The following MBTPS1 variants were observed in gnomAD, a reference collection of about 807,000 sequenced individuals.
MBTPS1 encodes the protein membrane bound transcription factor peptidase, site 1.
Under a neutral mutation model 127.8 loss-of-function variants are expected in MBTPS1, and 94 were observed. The observed-to-expected ratio is 0.74, with a 90% CI of 0.62 to 0.87. MBTPS1 has a LOEUF of 0.87. MBTPS1 is among the 40% of genes least tolerant of loss of function. The pLI, the probability that MBTPS1 is intolerant of heterozygous loss-of-function variation, is 0.00. For missense variants in MBTPS1, 1,636 were observed against 1,353.2 expected (o/e 1.21, Z -3.28); for synonymous variants, 632 against 509.4 (o/e 1.24, Z -3.24).
rs2086140140 is a variant in MBTPS1, at chr16:84,093,609, C to G, written c.736+102G>C. 4 of 869,608 alleles carry G rather than the reference C, an allele frequency of 4.6e-6. No individual in the cohort carries two copies. The South Asian group carries it at 5.9e-5, about 13-fold the overall frequency. The allele number at this position is 869,608 out of a possible 1,614,324, so 53.9% of individuals were successfully genotyped here. A position where few individuals can be genotyped will look rare whatever the true frequency, so the allele number is the denominator to read the frequency against. On this transcript the variant is annotated intron_variant, in intron 5 of 22. Transcript: ENST00000343411. The stretch of plus-strand genomic sequence containing the variant: ...GCCACAACAAAAAGCACAATAACAC[C>G]TTGGGCTTGTCTGAATAATTGCTGG...
rs184931422 is a variant in MBTPS1 at position 84,096,791 on chromosome 16, C to A, written c.422-986G>T. On this transcript the variant is annotated intron_variant, in intron 3 of 22. Transcript: ENST00000343411. ...ACGGTTCTTAATTGAAATTCCTCTG[C>A]TGAGTCTGATCTTTAAGTCAACAGC... is the stretch of plus-strand genomic sequence containing the variant. Among the ~76,000 whole-genome samples, 298 of 152,290 alleles carry A rather than the reference C, an allele frequency of 2.0e-3. 2 individuals are homozygous for A. The highest frequency in any genetic ancestry group is 3.6e-3 in the Non-Finnish European group (242 of 68,026).
Position 84,054,634 on chromosome 16 carries a change from C to G in MBTPS1, c.2974G>C (p.Gly992Arg). 1.2e-6 allele frequency: 2 copies of G among 1,601,410 alleles called. No homozygotes were observed. Among genetic ancestry groups the G allele is most frequent in the Non-Finnish European group, 1.7e-6 (2 of 1,172,802 alleles). Residue 992 changes from glycine (G) to arginine (R), a missense_variant, in exon 23 of 23, where the codon GGC becomes CGC. By Grantham distance (125) the Gly-to-Arg change is moderately radical (BLOSUM62 -2). Transcript: ENST00000343411. ...AWDIPGGIMP[G>R]RYNQEVGQTI... ...TGGCCCACCTCCTGGTTGTAGCGGC[C>G]AGGCATGATCCCTGTAAGAGGACAG...
At chr16:84,102,372 G>A (rs775716670) in intron 1 of MBTPS1, among the ~76,000 whole-genome samples, 1 of 152,022 alleles carries the variant, frequency 6.6e-6, no homozygotes, top group African/African-American at 2.4e-5. Context: ...CTGGTTTTAA[G>A]ACAAATTAAT....
At position 84,070,635 on chromosome 16, in the gene MBTPS1, C is replaced by A. The variant is rs201535353; in HGVS notation, c.1735G>T (p.Ala579Ser). 3 of 1,613,500 alleles carry A rather than the reference C, an allele frequency of 1.9e-6. No homozygotes were observed. The East Asian group carries it at 6.7e-5, about 36-fold the overall frequency. Residue 579 changes from alanine (A) to serine (S), a missense_variant, in exon 13 of 23, where the codon GCT (alanine) becomes TCT (serine). Physicochemically the swap from Ala to Ser is moderately conservative, Grantham distance 99. Transcript: ENST00000343411. Reference protein sequence around the residue: ...TKKAASWEGIAQGHVMITVAS... With the variant: ...TKKAASWEGISQGHVMITVAS... ...ACAGTGATCATGACATGGCCCTGAG[C>A]AATGCCTTCCCAGGAAGCCGCTTTC...
intron 1 of MBTPS1, among the ~76,000 whole-genome samples, chr16:84,108,506 C>G (rs1200565765): frequency 6.6e-6 from 1 of 152,144 alleles, no homozygotes; most frequent in Non-Finnish European, 1.5e-5. Flanking sequence ...TCAGGTGATC[C>G]AGCACCTGCC....
At chr16:84,089,748 T>C (rs1264911726) in intron 8 of MBTPS1, among the ~76,000 whole-genome samples, 1 of 152,186 alleles carries the variant, frequency 6.6e-6, no homozygotes, top group Non-Finnish European at 1.5e-5. Context: ...CCCATGTCCA[T>C]GCTGGAAGAG....
Position 84,059,361 on chromosome 16 carries a change from T to C in MBTPS1, c.2772A>G (p.Leu924=), listed in dbSNP as rs1004169338. ...AHLGDPKPRP[L]PACPRLSWAK... ...CCCAAGACAAGCGTGGACAGGCTGG[T>C]AGAGGCCGAGGTTTTGGGTCTCCCA... is the stretch of plus-strand genomic sequence containing the variant. Residue 924 remains leucine (L), a synonymous_variant, in exon 21 of 23, where the codon CTA becomes CTG. Transcript: ENST00000343411. 1.2e-6 allele frequency: 2 copies of C among 1,614,048 alleles called. No individual in the cohort carries two copies. Among genetic ancestry groups the C allele is most frequent in the Non-Finnish European group, 1.7e-6 (2 of 1,179,992 alleles).
intron 10 of MBTPS1, 47 bp downstream of exon 10, chr16:84,084,936 T>C: frequency 3.8e-6 from 6 of 1,594,032 alleles, no homozygotes; most frequent in South Asian, 1.1e-5. Context: ...CACCGAGTGC[T>C]CCTGTCCTGA....
intron 11 of MBTPS1, among the ~76,000 whole-genome samples, chr16:84,077,234 G>GAAAAAAAAAAAAAAAAAA (rs1191331764): frequency 2.0e-5 from 2 of 100,270 alleles, no homozygotes; most frequent in Non-Finnish European, 4.0e-5. Flanking sequence ...CATTAAAAAA[G>GAAAAAAAAAAAAAAAAAA]AAAAAAAAAA....
At chr16:84,106,932 G>C (rs1460511799) in intron 1 of MBTPS1, among the ~76,000 whole-genome samples, 1 of 152,196 alleles carries the variant, frequency 6.6e-6, no homozygotes, top group Non-Finnish European at 1.5e-5. Flanking sequence ...CACCAAGGCT[G>C]GTTGCCCGAC....
Position 84,070,721 on chromosome 16 carries a change from G to T in MBTPS1, c.1649C>A (p.Ser550Tyr). The stretch of plus-strand genomic sequence containing the variant: ...CCAAGGCCATAAGACCGAGGAGTAG[G>T]AGAAGGCAACTTCAATGTTGTCTCC... ...QNGDNIEVAFSYSSVLWPWSG... is the reference protein window; with the variant it reads ...QNGDNIEVAFYYSSVLWPWSG... Residue 550 changes from serine (S) to tyrosine (Y), a missense_variant, in exon 13 of 23, where the codon TCC (serine) becomes TAC (tyrosine). Physicochemically the swap from Ser to Tyr is moderately radical, Grantham distance 144. Coordinates refer to ENST00000343411, the MANE Select transcript of MBTPS1 (RefSeq NM_003791.4). 6.2e-7 allele frequency: 1 copy of T among 1,614,126 alleles called. No individual in the cohort carries two copies. Among genetic ancestry groups the T allele is most frequent in the East Asian group, 2.2e-5 (1 of 44,886 alleles).
intron 9 of MBTPS1, chr16:84,086,069 A>C (rs1432993705): frequency 6.6e-6 from 1 of 152,234 alleles, no homozygotes; most frequent in African/African-American, 2.4e-5. Flanking sequence ...TCTGTCAGAA[A>C]ACAGGAGCCC....
At chr16:84,076,926 G>A (rs1325618139) in intron 11 of MBTPS1, among the ~76,000 whole-genome samples, 11 of 152,254 alleles carry the variant, frequency 7.2e-5, no homozygotes, top group Non-Finnish European at 1.5e-4. Flanking sequence ...AAACAAACAT[G>A]CAAGAATAGC....
chr16:84,075,836 G>T (rs2085847768), intron 11 of MBTPS1, among the ~76,000 whole-genome samples: 1 of 152,162 alleles, frequency 6.6e-6, no homozygotes, highest in Non-Finnish European at 1.5e-5. Context: ...TCACAAGTCT[G>T]AAGTTCACCA....
intron 1 of MBTPS1, among the ~76,000 whole-genome samples, chr16:84,108,474 G>C (rs1032988428): frequency 1.3e-5 from 2 of 152,176 alleles, no homozygotes; most frequent in African/African-American, 2.4e-5. Context: ...ATGCTGGCCA[G>C]GCTGGTCTCG....
chr16:84,103,755 T>C (rs2086288270), intron 1 of MBTPS1, among the ~76,000 whole-genome samples: 1 of 152,138 alleles, frequency 6.6e-6, no homozygotes, highest in Non-Finnish European at 1.5e-5. Context: ...AAAAACGTTT[T>C]TACTTTTACT....
chr16:84,101,467 G>A (rs1373726581), intron 2 of MBTPS1, among the ~76,000 whole-genome samples, 154 bp downstream of exon 2: 1 of 151,344 alleles, frequency 6.6e-6, no homozygotes, highest in Non-Finnish European at 1.5e-5. Context: ...CTCCAGCCTG[G>A]GTGACAGAGT....
chr16:84,068,528 C>G, intron 14 of MBTPS1, 74 bp from the exon 15 acceptor site: 1 of 1,093,140 alleles, frequency 9.1e-7, no homozygotes, highest in Non-Finnish European at 1.4e-6. Context: ...GCCACAGGGC[C>G]GGCTCTGCAA....
intron 18 of MBTPS1, among the ~76,000 whole-genome samples, 173 bp downstream of exon 18, chr16:84,065,517 A>G (rs1457912197): frequency 2.0e-5 from 3 of 152,196 alleles, no homozygotes; most frequent in Admixed American, 2.0e-4. Flanking sequence ...TTTTGTAAAT[A>G]CACTAAAAAC....
Sources: allele counts gnomAD v4.1 joint callset (sites outside exome capture counted in the v4.1 genomes callset), GRCh38; gene constraint gnomAD v4.1.1; transcripts MANE v1.5; gene names NCBI Gene and HGNC (gene_info 2026-07-23, HGNC 2026-07-21).